Variants in UXS1 observed in about 807,000 individuals in gnomAD.
UXS1 encodes the protein UDP-glucuronic acid decarboxylase 1.
UXS1 carries 33 observed loss-of-function variants against 62.6 expected under a neutral mutation model. The ratio of observed to expected loss-of-function variants is 0.53; its 90% CI spans 0.40 to 0.70. UXS1 has a LOEUF of 0.70. Among genes scored for constraint, UXS1 ranks in the 30% least tolerant of loss-of-function variants. The probability of loss-of-function intolerance (pLI) is 0.00; values close to 1 mark genes in which losing one functional copy is unlikely to be tolerated. For synonymous variants in UXS1, 213 were observed against 206.8 expected, an observed-to-expected ratio of 1.03 and a Z score of -0.26; for missense variants, 434 against 556.3, an observed-to-expected ratio of 0.78 and a Z score of 2.21.
At position 106,112,727 on chromosome 2, in the gene UXS1, G is replaced by T. The variant is rs769265481; in HGVS notation, c.798C>A (p.Thr266=). 9.9e-6 allele frequency: 16 copies of T among 1,614,026 alleles called. No homozygotes were observed. Among genetic ancestry groups the T allele is most frequent in the Non-Finnish European group, 1.4e-5 (16 of 1,179,902 alleles). ...CGTTCATGTGCATGCGTGGCCCAAA[G>T]GTGTTGAAGATTCTGGCCACTCGCA... ...VEVRVARIFN[T]FGPRMHMNDG... is the part of the protein sequence containing the mutation. Residue 266 remains threonine (T), a synonymous_variant, in exon 10 of 15, where the codon ACC becomes ACA. Transcript: ENST00000283148.
intron 9 of UXS1, among the ~76,000 whole-genome samples, chr2:106,119,116 T>C (rs1338995956): frequency 6.6e-6 from 1 of 152,210 alleles, no homozygotes; most frequent in Non-Finnish European, 1.5e-5. Context: ...ACAGTGCAGC[T>C]CCTGTTGCTG....
chr2:106,181,301 G>A (rs1265345723), intron 1 of UXS1, among the ~76,000 whole-genome samples: 3 of 152,194 alleles, frequency 2.0e-5, no homozygotes, highest in African/African-American at 7.2e-5. Context: ...ATCTCTCTCT[G>A]AAAACTGCTA....
At chr2:106,109,385 T>C (rs1350101438) in intron 10 of UXS1, among the ~76,000 whole-genome samples, 1 of 152,206 alleles carries the variant, frequency 6.6e-6, no homozygotes, top group Non-Finnish European at 1.5e-5. Context: ...GAATTGGTCT[T>C]AGAAGTATGA....
intron 6 of UXS1, among the ~76,000 whole-genome samples, chr2:106,131,441 C>A (rs1680467927): frequency 6.1e-5 from 1 of 16,454 alleles, no homozygotes; most frequent in African/African-American, 1.8e-4. Context: ...GTAGGCTCCA[C>A]CTCTGGGGGC....
intron 1 of UXS1, among the ~76,000 whole-genome samples, chr2:106,181,503 G>A (rs1230551575): frequency 2.0e-5 from 3 of 152,144 alleles, no homozygotes; most frequent in Non-Finnish European, 4.4e-5. Context: ...CAGATCACCT[G>A]AGCTCAGGAG....
intron 1 of UXS1, among the ~76,000 whole-genome samples, chr2:106,175,077 G>A (rs114616915): frequency 6.6e-6 from 1 of 152,212 alleles, no homozygotes; most frequent in Non-Finnish European, 1.5e-5. Context: ...GTGGGGCAGC[G>A]AAGCCTCCTG....
chr2:106,148,410 C>A (rs1472403695), intron 5 of UXS1, among the ~76,000 whole-genome samples: 2 of 152,154 alleles, frequency 1.3e-5, no homozygotes, highest in African/African-American at 2.4e-5. Flanking sequence ...ATAACTGTTT[C>A]TCTATATGCA....
At chr2:106,194,110 G>A in intron 1 of UXS1, 38 bp downstream of exon 1, 1 of 1,432,752 alleles carries the variant, frequency 7.0e-7, no homozygotes, top group East Asian at 3.2e-5. Flanking sequence ...GCCGGGGAAT[G>A]AATGGGGCTC....
chr2:106,170,175 C>A (rs1342018283), intron 1 of UXS1, among the ~76,000 whole-genome samples: 1 of 152,198 alleles, frequency 6.6e-6, no homozygotes, highest in Non-Finnish European at 1.5e-5. Flanking sequence ...CAGCCCCCTG[C>A]ATGTGACTCT....
chr2:106,145,461 A>T, intron 5 of UXS1, 91 bp from the exon 6 acceptor site: 1 of 1,448,276 alleles, frequency 6.9e-7, no homozygotes, highest in Non-Finnish European at 9.1e-7. Flanking sequence ...TCTCTGGTGC[A>T]GCCACGACTT....
intron 9 of UXS1, among the ~76,000 whole-genome samples, chr2:106,119,034 C>A (rs1317569): frequency 0.18 from 27,488 of 152,182 alleles, 2,802 homozygotes; most frequent in Non-Finnish European, 0.23. Context: ...AATCCTAACA[C>A]ACAAAGTTTT....
chr2:106,115,796 C>T (rs1679010587), intron 9 of UXS1, among the ~76,000 whole-genome samples: 1 of 152,194 alleles, frequency 6.6e-6, no homozygotes, highest in Admixed American at 6.5e-5. Flanking sequence ...TTGAAAACTG[C>T]CATCATTATT....
chr2:106,127,080 C>T (rs1680020217), intron 7 of UXS1, among the ~76,000 whole-genome samples: 1 of 152,196 alleles, frequency 6.6e-6, no homozygotes, highest in Admixed American at 6.5e-5. Flanking sequence ...AAGTTCCTTC[C>T]TAATCTATTG....
At chr2:106,172,669 G>T (rs1019712527) in intron 1 of UXS1, among the ~76,000 whole-genome samples, 8 of 152,136 alleles carry the variant, frequency 5.3e-5, no homozygotes, top group South Asian at 2.1e-4. Context: ...CAGACCTGCT[G>T]AATCAGAATC....
At chr2:106,147,999 T>C (rs1681707479) in intron 5 of UXS1, among the ~76,000 whole-genome samples, 1 of 152,226 alleles carries the variant, frequency 6.6e-6, no homozygotes, top group African/African-American at 2.4e-5. Flanking sequence ...AGCTTTCATT[T>C]GGCTTTACCA....
intron 13 of UXS1, 134 bp downstream of exon 13, chr2:106,098,582 T>C (rs779577717): frequency 1.1e-5 from 8 of 713,126 alleles, no homozygotes; most frequent in Admixed American, 2.7e-5. Flanking sequence ...AACACTTAAG[T>C]ATTCCTGATA....
chr2:106,193,953 G>C (rs1327588008), intron 1 of UXS1, among the ~76,000 whole-genome samples, 195 bp downstream of exon 1: 1 of 152,018 alleles, frequency 6.6e-6, no homozygotes, highest in East Asian at 1.9e-4. Context: ...TAAGCGGTAG[G>C]GGGTGTGCGC....
intron 9 of UXS1, among the ~76,000 whole-genome samples, chr2:106,115,451 A>T (rs1678983205): frequency 6.6e-6 from 1 of 152,226 alleles, no homozygotes; most frequent in Non-Finnish European, 1.5e-5. Context: ...CTAACTGCTG[A>T]TTCATCCTAG....
At chr2:106,113,153 T>C (rs1678761726) in intron 9 of UXS1, among the ~76,000 whole-genome samples, 3 of 152,230 alleles carry the variant, frequency 2.0e-5, no homozygotes, top group Non-Finnish European at 4.4e-5. Flanking sequence ...CATAATATAT[T>C]GTGCAAATTA....
Sources: allele counts gnomAD v4.1 joint callset (sites outside exome capture counted in the v4.1 genomes callset), GRCh38; gene constraint gnomAD v4.1.1; transcripts MANE v1.5; gene names NCBI Gene and HGNC (gene_info 2026-07-23, HGNC 2026-07-21).